Variants in VWF observed in about 807,000 individuals in gnomAD.
VWF encodes the protein Factor VIII related antigen.
A neutral mutation model predicts 308.6 loss-of-function variants in VWF; 176 were observed. That is an observed-to-expected ratio of 0.57 (90% CI 0.50 to 0.65). VWF has a LOEUF of 0.65. Ranked by LOEUF, VWF falls within the 30% of genes least tolerant of loss-of-function variation. VWF has a pLI of 0.00. For missense variants in VWF, 3,146 were observed against 3,648.2 expected (o/e 0.86, Z 3.55); for synonymous variants, 1,385 against 1,443.4 (o/e 0.96, Z 0.92).
rs1944837456 is a variant in VWF, at chr12:6,075,869, G to A, written c.658-318C>T. Among the ~76,000 whole-genome samples the A allele has an allele frequency of 6.6e-6, 1 of 152,208 alleles. No individual in the cohort carries two copies. The highest frequency in any genetic ancestry group is 2.4e-5 in the African/African-American group (1 of 41,452). ...GGATGGAGAGAAGCACAAAGAGCATGCGCCCTGGAGTTGGCCTGGGTGGCT... is the reference window on the plus strand; with the variant it reads ...GGATGGAGAGAAGCACAAAGAGCATACGCCCTGGAGTTGGCCTGGGTGGCT... On this transcript the variant is annotated intron_variant, in intron 6 of 51. Transcript: ENST00000261405. This position sits in a 1 kb window ranked among gnomAD's most constrained non-coding sequence, Gnocchi z 4.7.
chr12:5,998,151 T>TG (rs1471813845), intron 34 of VWF, among the ~76,000 whole-genome samples: 1 of 152,026 alleles, frequency 6.6e-6, no homozygotes, highest in Non-Finnish European at 1.5e-5. Flanking sequence ...AAAACACAAA[T>TG]GTTCAAAAAG....
intron 34 of VWF, among the ~76,000 whole-genome samples, chr12:6,006,919 T>A (rs1351480789): frequency 4.6e-5 from 7 of 152,226 alleles, no homozygotes; most frequent in African/African-American, 1.7e-4. Context: ...ATGCCAATGT[T>A]AACTAAAAGA....
intron 47 of VWF, among the ~76,000 whole-genome samples, chr12:5,964,873 G>A (rs557555081): frequency 6.6e-6 from 1 of 152,298 alleles, no homozygotes; most frequent in East Asian, 1.9e-4. Context: ...CAGAAAATAA[G>A]CCGAAGGGGG....
Position 6,022,972 on chromosome 12 carries a change from C to T in VWF, c.3380-74G>A, listed in dbSNP as rs1165370853. On this transcript the variant is annotated intron_variant, in intron 25 of 51. Coordinates refer to ENST00000261405, the MANE Select transcript of VWF (RefSeq NM_000552.5). ...GGACTGCAGACCCATGTGGTGATGGCCTGCGCCATCTGGAGATAATGTTGG... is the reference window on the plus strand; with the variant it reads ...GGACTGCAGACCCATGTGGTGATGGTCTGCGCCATCTGGAGATAATGTTGG... 1.3e-4 allele frequency: 45 copies of T among 348,658 alleles called. No homozygotes were observed. In the Middle Eastern group the frequency reaches 3.9e-3, roughly 30 times the overall value. The allele number at this position is 348,658 out of a possible 1,614,324, so 21.6% of individuals were successfully genotyped here.
At chr12:6,096,733 G>A (rs901882961) in intron 5 of VWF, among the ~76,000 whole-genome samples, 7 of 152,206 alleles carry the variant, frequency 4.6e-5, no homozygotes, top group Non-Finnish European at 8.8e-5. Flanking sequence ...GACTGTGAGG[G>A]CCTCGTGGAC....
chr12:6,085,423 G>A (rs1016263380), intron 6 of VWF, among the ~76,000 whole-genome samples: 3 of 152,088 alleles, frequency 2.0e-5, no homozygotes, highest in East Asian at 1.9e-4. Context: ...GTTGTATCAC[G>A]CAAGCCATAT....
chr12:6,010,797 C>G (rs1943984750), intron 34 of VWF, among the ~76,000 whole-genome samples: 1 of 152,180 alleles, frequency 6.6e-6, no homozygotes, highest in South Asian at 2.1e-4. Context: ...TAAATTGGAA[C>G]TGGGAGGTGT....
intron 15 of VWF, among the ~76,000 whole-genome samples, chr12:6,055,147 G>A (rs528633125): frequency 2.0e-5 from 3 of 152,268 alleles, no homozygotes; most frequent in African/African-American, 7.2e-5. Context: ...CATTTCCCCT[G>A]TTCTGTTCAG....
At chr12:6,115,535 T>C (rs1160887641) in intron 3 of VWF, among the ~76,000 whole-genome samples, 1 of 152,236 alleles carries the variant, frequency 6.6e-6, no homozygotes. Context: ...TGCACTCTGA[T>C]ATTTTCTGAT....
At chr12:6,049,624 C>A (rs1013580528) in intron 16 of VWF, among the ~76,000 whole-genome samples, 1 of 152,216 alleles carries the variant, frequency 6.6e-6, no homozygotes, top group African/African-American at 2.4e-5. Context: ...TAGTCACTTG[C>A]TGGCTGATTT....
Position 6,058,994 on chromosome 12 carries a change from G to A in VWF, c.1534-950C>T, listed in dbSNP as rs754635100. On this transcript the variant is annotated intron_variant, in intron 13 of 51. Coordinates refer to ENST00000261405, the MANE Select transcript of VWF (RefSeq NM_000552.5). This position sits in a 1 kb window ranked among gnomAD's most constrained non-coding sequence, Gnocchi z 4.9. ...TACCAAGGTGGGATGACCTCCCTGC[G>A]TTCTGAATCCCTCAGGGGCTAGGGT... Among the ~76,000 whole-genome samples the A allele has an allele frequency of 8.5e-5, 13 of 152,142 alleles. No individual in the cohort carries two copies. The highest frequency in any genetic ancestry group is 8.8e-5 in the Non-Finnish European group (6 of 68,018).
At chr12:5,960,207 T>C (rs1943298084) in intron 47 of VWF, among the ~76,000 whole-genome samples, 1 of 151,564 alleles carries the variant, frequency 6.6e-6, no homozygotes, top group African/African-American at 2.4e-5. Context: ...TCCACAGATA[T>C]TAAAAGTATA....
chr12:5,998,836 C>A (rs575740228), intron 34 of VWF, among the ~76,000 whole-genome samples: 4 of 152,302 alleles, frequency 2.6e-5, no homozygotes, highest in Admixed American at 6.5e-5. Context: ...TCAGGCGATT[C>A]TCCTGCCTCA....
Position 6,057,311 on chromosome 12 carries a change from A to ATTTTTTTTTTTT in VWF, c.1730-251_1730-240dup, listed in dbSNP as rs1250165048. On this transcript the variant is annotated intron_variant, in intron 14 of 51. Transcript: ENST00000261405. ...AAGGTCGAAGGACGGGGACTATGGA[A>ATTTTTTTTTTTT]TTTTTTTTTTTTTTTTTTGGAGAGA... 4.4e-3 allele frequency among the ~76,000 whole-genome samples: 564 copies of ATTTTTTTTTTTT among 129,328 alleles called. 12 individuals carry two copies. Among genetic ancestry groups the ATTTTTTTTTTTT allele is most frequent in the African/African-American group, 0.016 (527 of 32,688 alleles). The allele number at this position is 129,328 out of a possible 152,430, so 84.8% of individuals were successfully genotyped here.
At chr12:5,994,381 A>AG in intron 36 of VWF, 34 bp downstream of exon 36, 1 of 1,611,606 alleles carries the variant, frequency 6.2e-7, no homozygotes, top group South Asian at 1.1e-5. Flanking sequence ...AATGTATAGC[A>AG]GGGGGAGAAG....
rs1378532321 is a variant in VWF at position 6,099,373 on chromosome 12, A to G, written c.533-3789T>C. ...AAGCAAAAGTTTGTTAACCTAGTCT[A>G]AGTTCTGGATAAGTGAGGAAAAACG... On this transcript the variant is annotated intron_variant, in intron 5 of 51. Transcript: ENST00000261405. 2.0e-5 allele frequency among the ~76,000 whole-genome samples: 3 copies of G among 151,806 alleles called. No homozygotes were observed. In the South Asian group the frequency reaches 6.2e-4, roughly 32 times the overall value.
intron 6 of VWF, among the ~76,000 whole-genome samples, chr12:6,081,973 GT>G (rs879732595): frequency 4.3e-4 from 63 of 146,590 alleles, no homozygotes; most frequent in Admixed American, 1.8e-3. Flanking sequence ...AAAATATGGT[GT>G]TTTTTTTTTT....
intron 6 of VWF, among the ~76,000 whole-genome samples, chr12:6,094,713 TTTTC>T (rs1252106977): frequency 6.6e-6 from 1 of 151,848 alleles, no homozygotes; most frequent in East Asian, 1.9e-4. Flanking sequence ...AGTGTACTTT[TTTTC>T]TTTTTTTTTA....
At chr12:6,028,153 T>C (rs191438863) in intron 22 of VWF, among the ~76,000 whole-genome samples, 9 of 152,270 alleles carry the variant, frequency 5.9e-5, no homozygotes, top group African/African-American at 2.2e-4. Context: ...ACTTGTCACA[T>C]ACATGCCACT....
Sources: gnomAD v4.1 joint callset for allele counts (sites outside exome capture counted in the v4.1 genomes callset) on GRCh38, gnomAD v4.1.1 for gene constraint, Gnocchi (gnomAD v3.1) non-coding constraint, MANE v1.5 for transcripts, NCBI Gene and HGNC (gene_info 2026-07-23, HGNC 2026-07-21) for gene names.